The following UBE3B variants were observed in gnomAD, a reference collection of about 807,000 sequenced individuals.
UBE3B encodes the protein ubiquitin-protein ligase E3B.
Under a neutral mutation model 132.3 loss-of-function variants are expected in UBE3B, and 80 were observed. The observed-to-expected ratio is 0.60, with a 90% CI of 0.50 to 0.73. UBE3B has a LOEUF of 0.73. Among genes scored for constraint, UBE3B ranks in the 30% least tolerant of loss-of-function variants. The pLI is 0.00. For synonymous variants in UBE3B, 487 were observed against 520.4 expected, an observed-to-expected ratio of 0.94 and a Z score of 0.87; for missense variants, 1,196 against 1,362.5, an observed-to-expected ratio of 0.88 and a Z score of 1.92.
In UBE3B at chr12:109,521,588, A is replaced by G; in HGVS notation, c.2364+37A>G. On this transcript the variant is annotated intron_variant, in intron 21 of 27. Transcript: ENST00000342494. The surrounding 1 kb of genome is among the most constrained non-coding windows in gnomAD (Gnocchi z 4.2). ...AAGAAACAGAGAAATGTAAAATAAA[A>G]TGTTAACGGTACCATGGGCTTCTTC... 1 of 1,412,282 alleles carries G rather than the reference A, an allele frequency of 7.1e-7. No homozygotes were observed. Among genetic ancestry groups the G allele is most frequent in the Non-Finnish European group, 9.7e-7 (1 of 1,034,446 alleles). The allele number at this position is 1,412,282 out of a possible 1,614,324, so 87.5% of individuals were successfully genotyped here.
chr12:109,490,147 T>C, intron 8 of UBE3B, 143 bp downstream of exon 8: 1 of 915,190 alleles, frequency 1.1e-6, no homozygotes, highest in Non-Finnish European at 1.7e-6. Flanking sequence ...TGTCCTCTTC[T>C]TCCTTCCCCT....
At chr12:109,510,876 A>G (rs1290534108) in intron 17 of UBE3B, among the ~76,000 whole-genome samples, 1 of 152,202 alleles carries the variant, frequency 6.6e-6, no homozygotes, top group African/African-American at 2.4e-5. Flanking sequence ...ATAGGCATGT[A>G]TCTGCATTTT....
chr12:109,512,855 C>T (rs1476209603), intron 18 of UBE3B, among the ~76,000 whole-genome samples: 3 of 152,202 alleles, frequency 2.0e-5, no homozygotes, highest in African/African-American at 7.2e-5. Context: ...TGAGGGAGCC[C>T]CTGCTATGAT....
intron 24 of UBE3B, among the ~76,000 whole-genome samples, chr12:109,527,343 G>A (rs1361146515): frequency 2.0e-5 from 3 of 152,248 alleles, no homozygotes; most frequent in Non-Finnish European, 4.4e-5. Flanking sequence ...AGCCTGGCAT[G>A]AGAAGCAGAC....
intron 26 of UBE3B, among the ~76,000 whole-genome samples, chr12:109,533,165 G>A (rs960360582): frequency 6.6e-6 from 1 of 152,152 alleles, no homozygotes; most frequent in Non-Finnish European, 1.5e-5. Flanking sequence ...CCTCACCAGT[G>A]CCCTGGCTGG....
chr12:109,486,580 C>CAAAAAAATAAAA lies in UBE3B; in HGVS notation c.447+12_447+13insTAAAAAAAAAAA. On this transcript the variant is annotated splice_donor_region_variant and intron_variant, in intron 6 of 27. Coordinates refer to ENST00000342494, the MANE Select transcript of UBE3B (RefSeq NM_130466.4). ...GATTTTCTCAAGCAGCTCAAGGTAA[C>CAAAAAAATAAAA]AAAAAAAAAAAAAAAAAAAAAAAGC... 1 of 559,286 alleles carries CAAAAAAATAAAA rather than the reference C, an allele frequency of 1.8e-6. No homozygotes were observed. Among genetic ancestry groups the CAAAAAAATAAAA allele is most frequent in the South Asian group, 2.5e-5 (1 of 39,558 alleles). 34.6% of individuals were successfully genotyped at this position (559,286 alleles called of 1,614,324 possible).
intron 25 of UBE3B, 64 bp downstream of exon 25, chr12:109,530,136 G>A (rs1054339356): frequency 8.8e-6 from 14 of 1,589,372 alleles, no homozygotes; most frequent in African/African-American, 2.7e-5. Flanking sequence ...CTGCTCCCTC[G>A]CTGGGTTCCT....
At chr12:109,515,193 G>A (rs1880877310) in intron 18 of UBE3B, among the ~76,000 whole-genome samples, 1 of 152,052 alleles carries the variant, frequency 6.6e-6, no homozygotes, top group South Asian at 2.1e-4. Flanking sequence ...GATTACAGGC[G>A]TGAGCCACCG....
intron 6 of UBE3B, among the ~76,000 whole-genome samples, chr12:109,487,705 CA>C (rs1225437353): frequency 6.6e-6 from 1 of 152,210 alleles, no homozygotes; most frequent in African/African-American, 2.4e-5. Flanking sequence ...TTTGGACAAA[CA>C]AAAAAAGTTT....
intron 4 of UBE3B, 77 bp from the exon 5 acceptor site, chr12:109,485,935 G>A (rs186092510): frequency 1.4e-5 from 21 of 1,519,772 alleles, no homozygotes; most frequent in East Asian, 2.5e-5. Flanking sequence ...CCAGGTACCC[G>A]CTGAAGGCTT....
At chr12:109,540,849 G>C (rs112916116), downstream of UBE3B, among the ~76,000 whole-genome samples, 1,868 of 152,346 alleles carry the variant, frequency 0.012, 31 homozygotes, top group African/African-American at 0.038. Flanking sequence ...AACTTGTGCT[G>C]TTGCAAAGAG....
At chr12:109,501,055 A>G (rs1262801599) in intron 12 of UBE3B, among the ~76,000 whole-genome samples, 1 of 152,144 alleles carries the variant, frequency 6.6e-6, no homozygotes, top group East Asian at 1.9e-4. Flanking sequence ...GCCAGCTATG[A>G]GGAGGGAGGC....
At chr12:109,500,167 A>C (rs1878781348) in intron 12 of UBE3B, among the ~76,000 whole-genome samples, 1 of 152,150 alleles carries the variant, frequency 6.6e-6, no homozygotes, top group Non-Finnish European at 1.5e-5. Flanking sequence ...CATATTTTGG[A>C]GATGCTAAAA....
the UBE3B span, among the ~76,000 whole-genome samples, chr12:109,544,200 C>T: frequency 1.3e-5 from 2 of 152,162 alleles, no homozygotes; most frequent in Non-Finnish European, 2.9e-5. Flanking sequence ...CGTGGACATC[C>T]GGAGGGACAC....
intron 24 of UBE3B, among the ~76,000 whole-genome samples, chr12:109,529,573 T>C (rs1242777979): frequency 6.6e-6 from 1 of 152,196 alleles, no homozygotes; most frequent in Non-Finnish European, 1.5e-5. Context: ...AGAAGGGCCC[T>C]CTTCTTACGT....
At chr12:109,504,421 T>C (rs1317011353) in intron 14 of UBE3B, among the ~76,000 whole-genome samples, 2 of 152,232 alleles carry the variant, frequency 1.3e-5, no homozygotes, top group Admixed American at 6.5e-5. Flanking sequence ...GTAGAAGATA[T>C]GGGTCTTACT....
intron 2 of UBE3B, 140 bp from the exon 3 acceptor site, chr12:109,483,391 G>A: frequency 2.6e-6 from 2 of 764,990 alleles, no homozygotes; most frequent in Non-Finnish European, 3.8e-6. Flanking sequence ...CCGGAGAGCT[G>A]TTAGCGCTTT....
chr12:109,486,594 A>C lies in UBE3B; in HGVS notation c.447+19A>C. The stretch of plus-strand genomic sequence containing the variant: ...GCTCAAGGTAACAAAAAAAAAAAAA[A>C]AAAAAAAAAGCAAAACCAGAAACAG... On this transcript the variant is annotated intron_variant, in intron 6 of 27. Transcript: ENST00000342494. 1 of 1,548,856 alleles carries C rather than the reference A, an allele frequency of 6.5e-7. No homozygotes were observed. Among genetic ancestry groups the C allele is most frequent in the Non-Finnish European group, 8.7e-7 (1 of 1,148,104 alleles).
At chr12:109,483,494 A>G (rs1442271027) in intron 2 of UBE3B, 37 bp from the exon 3 acceptor site, 35 of 1,510,868 alleles carry the variant, frequency 2.3e-5, no homozygotes, top group Non-Finnish European at 3.1e-5. Context: ...TTTTCACACA[A>G]CAATCTACAA....
Sources: allele counts gnomAD v4.1 joint callset (sites outside exome capture counted in the v4.1 genomes callset), GRCh38; gene constraint gnomAD v4.1.1; non-coding constraint Gnocchi (gnomAD v3.1); transcripts MANE v1.5; gene names NCBI Gene and HGNC (gene_info 2026-07-23, HGNC 2026-07-21).